ANO4: variants seen among roughly 807,000 people sequenced by gnomAD.
The protein encoded by ANO4 is anoctamin 4, also known as anoctamin-4.
A neutral mutation model predicts 141.9 loss-of-function variants in ANO4; 69 were observed. The ratio of observed to expected loss-of-function variants is 0.49; its 90% CI spans 0.40 to 0.59. The LOEUF is 0.59. Among genes scored for constraint, ANO4 ranks in the 20% least tolerant of loss-of-function variants. The pLI, the probability that ANO4 is intolerant of heterozygous loss-of-function variation, is 0.00. For synonymous variants in ANO4, 350 were observed against 394.3 expected (o/e 0.89, Z 1.33); for missense variants, 894 against 1,162.2 (o/e 0.77, Z 3.36).
At chr12:100,990,022 T>TGGATGGATGGAC (rs1440385025) in intron 8 of ANO4, among the ~76,000 whole-genome samples, 7 of 151,660 alleles carry the variant, frequency 4.6e-5, no homozygotes, top group African/African-American at 1.5e-4. Context: ...GATGGATGGA[T>TGGATGGATGGAC]GGACAGATGG....
chr12:100,727,106 T>C (rs1224060962), intron 1 of ANO4, among the ~76,000 whole-genome samples: 1 of 152,212 alleles, frequency 6.6e-6, no homozygotes, highest in African/African-American at 2.4e-5. Flanking sequence ...TCAAGTTTTA[T>C]AATACTTCAC....
intron 9 of ANO4, among the ~76,000 whole-genome samples, chr12:101,025,610 C>A (rs1226744626): frequency 6.6e-6 from 1 of 152,204 alleles, no homozygotes; most frequent in African/African-American, 2.4e-5. Flanking sequence ...TCCAGTAAGA[C>A]TGGAACACCT....
At chr12:100,738,068 T>C (rs1436138577) in intron 2 of ANO4, among the ~76,000 whole-genome samples, 1 of 152,214 alleles carries the variant, frequency 6.6e-6, no homozygotes, top group Non-Finnish European at 1.5e-5. Context: ...ATTTTAGCCA[T>C]GTATGAGAGA....
chr12:101,011,713 T>A (rs1378452868), intron 8 of ANO4, among the ~76,000 whole-genome samples: 1 of 152,192 alleles, frequency 6.6e-6, no homozygotes, highest in East Asian at 1.9e-4. Flanking sequence ...GGTCACATGC[T>A]TCAGGCTCCT....
intron 5 of ANO4, among the ~76,000 whole-genome samples, chr12:100,950,261 C>T (rs2042915656): frequency 6.6e-6 from 1 of 152,146 alleles, no homozygotes; most frequent in South Asian, 2.1e-4. Flanking sequence ...AGACTTTTCT[C>T]CACCCAATAA....
chr12:101,069,507 C>G (rs746013986), intron 14 of ANO4, among the ~76,000 whole-genome samples: 19 of 152,100 alleles, frequency 1.2e-4, no homozygotes, highest in Admixed American at 2.0e-4. Flanking sequence ...TCTTTAGTTA[C>G]TAAGAGAGGA....
chr12:100,758,465 C>T (rs937851349), intron 3 of ANO4, among the ~76,000 whole-genome samples: 3 of 152,174 alleles, frequency 2.0e-5, no homozygotes. Context: ...TCTGTCCTCT[C>T]TGGAGAGAAT....
At chr12:100,985,084 A>G (rs1260812855) in intron 7 of ANO4, among the ~76,000 whole-genome samples, 2 of 152,338 alleles carry the variant, frequency 1.3e-5, no homozygotes, top group Non-Finnish European at 1.5e-5. Flanking sequence ...TAAAAGCTCT[A>G]TAATAAAAAA....
chr12:100,966,137 G>A (rs537248186), intron 5 of ANO4, among the ~76,000 whole-genome samples: 3 of 152,212 alleles, frequency 2.0e-5, no homozygotes, highest in Admixed American at 6.5e-5. Flanking sequence ...CAAAATACTG[G>A]TTTCTTATTT....
intron 3 of ANO4, among the ~76,000 whole-genome samples, chr12:100,775,872 C>G (rs1040905179): frequency 6.6e-6 from 1 of 151,476 alleles, no homozygotes; most frequent in Admixed American, 6.6e-5. Flanking sequence ...TGGCTTTCCC[C>G]CAGCTGTTGT....
chr12:100,822,943 C>T (rs192189059), intron 1 of ANO4, among the ~76,000 whole-genome samples: 13 of 152,000 alleles, frequency 8.6e-5, no homozygotes, highest in Admixed American at 2.0e-4. Context: ...TTTTGCTTTG[C>T]GTAATATTTT....
chr12:100,751,754 A>C (rs893583252), intron 3 of ANO4, among the ~76,000 whole-genome samples: 2 of 152,088 alleles, frequency 1.3e-5, no homozygotes, highest in Non-Finnish European at 2.9e-5. Flanking sequence ...AGTAGAAGAG[A>C]GAGATATGAA....
chr12:101,053,424 T>C (rs1460595422), intron 14 of ANO4, among the ~76,000 whole-genome samples: 2 of 152,184 alleles, frequency 1.3e-5, no homozygotes, highest in Non-Finnish European at 2.9e-5. Context: ...CTTAAAACAA[T>C]AGTTTATTGC....
intron 3 of ANO4, among the ~76,000 whole-genome samples, chr12:100,789,586 A>G (rs2033976208): frequency 6.6e-6 from 1 of 152,224 alleles, no homozygotes; most frequent in Non-Finnish European, 1.5e-5. Flanking sequence ...GACAAGTTTT[A>G]TGCTTCTCAT....
chr12:100,756,681 C>T (rs892751386), intron 3 of ANO4, among the ~76,000 whole-genome samples: 2 of 152,082 alleles, frequency 1.3e-5, no homozygotes, highest in Non-Finnish European at 2.9e-5. Context: ...TTCTCTGACT[C>T]TTTGGTGGAT....
intron 26 of ANO4, among the ~76,000 whole-genome samples, chr12:101,125,422 A>G (rs144742420): frequency 5.9e-5 from 9 of 152,286 alleles, no homozygotes; most frequent in Non-Finnish European, 1.2e-4. Flanking sequence ...AAAAAAGATA[A>G]TTTGACTTCC....
At chr12:100,851,690 C>T (rs2037879014) in intron 1 of ANO4, among the ~76,000 whole-genome samples, 1 of 152,006 alleles carries the variant, frequency 6.6e-6, no homozygotes, top group Non-Finnish European at 1.5e-5. Context: ...TATAATGTAT[C>T]AGGTGGTGGG....
intron 8 of ANO4, among the ~76,000 whole-genome samples, chr12:101,009,060 G>T (rs1359632430): frequency 1.3e-5 from 2 of 152,028 alleles, no homozygotes; most frequent in Admixed American, 6.5e-5. Flanking sequence ...ACTGTTATGG[G>T]TCAAATTGTG....
chr12:100,983,265 A>T (rs2044564054), intron 7 of ANO4, among the ~76,000 whole-genome samples: 1 of 152,214 alleles, frequency 6.6e-6, no homozygotes, highest in Non-Finnish European at 1.5e-5. Context: ...AGCTGTTGCC[A>T]GGTCTTGAGG....
Sources: gnomAD v4.1 joint callset for allele counts (sites outside exome capture counted in the v4.1 genomes callset) on GRCh38, gnomAD v4.1.1 for gene constraint, MANE v1.5 for transcripts, NCBI Gene and HGNC (gene_info 2026-07-23, HGNC 2026-07-21) for gene names.